Variants in PKIG observed in about 807,000 individuals in gnomAD.
PKIG encodes cAMP-dependent protein kinase inhibitor gamma, also known as protein kinase (cAMP-dependent, catalytic) inhibitor gamma.
PKIG carries 1 observed loss-of-function variant against 6.8 expected under a neutral mutation model. The ratio of observed to expected loss-of-function variants is 0.15; its 90% CI spans 0.05 to 0.69. The LOEUF is 0.69. Ranked by LOEUF, PKIG falls within the 30% of genes least tolerant of loss-of-function variation. The pLI, the probability that PKIG is intolerant of heterozygous loss-of-function variation, is 0.82. For missense variants in PKIG, 77 were observed against 104.0 expected (o/e 0.74, Z 1.13); for synonymous variants, 39 against 43.0 (o/e 0.91, Z 0.36).
chr20:44,614,834 C>T lies in PKIG; in HGVS notation c.151+127C>T, dbSNP rs1275030351. The T allele has an allele frequency of 1.2e-5, 11 of 947,610 alleles. No homozygotes were observed. In the Admixed American group the frequency reaches 2.9e-4, roughly 25 times the overall value. The allele number at this position is 947,610 out of a possible 1,614,324, so 58.7% of individuals were successfully genotyped here. On this transcript the variant is annotated intron_variant, in intron 3 of 3. Coordinates refer to ENST00000372886, the MANE Select transcript of PKIG (RefSeq NM_001281445.2). This position sits in a 1 kb window ranked among gnomAD's most constrained non-coding sequence, Gnocchi z 4.6. ...GAAACCACATTTAAGTCAGGCCTGC[C>T]CCATGGTCAGTGGCAGAGTCCAGCA...
At chr20:44,597,991 C>T (rs1230901128) in intron 2 of PKIG, among the ~76,000 whole-genome samples, 1 of 152,242 alleles carries the variant, frequency 6.6e-6, no homozygotes, top group Non-Finnish European at 1.5e-5. Flanking sequence ...CTCATGGTTT[C>T]TGTGGGTCAG....
chr20:44,578,692 A>G (rs1253476452), upstream of PKIG, among the ~76,000 whole-genome samples: 1 of 152,238 alleles, frequency 6.6e-6, no homozygotes, highest in Non-Finnish European at 1.5e-5. Context: ...TGTGAGCCAA[A>G]TAAACCTCTT....
intron 1 of PKIG, among the ~76,000 whole-genome samples, chr20:44,560,605 G>A (rs185559090): frequency 3.3e-5 from 5 of 152,284 alleles, no homozygotes; most frequent in South Asian, 4.2e-4. Flanking sequence ...CTTGTTGTCC[G>A]TCAAGGATGG....
intron 1 of PKIG, among the ~76,000 whole-genome samples, chr20:44,550,046 A>G (rs1354803444): frequency 6.6e-6 from 1 of 150,800 alleles, no homozygotes; most frequent in Non-Finnish European, 1.5e-5. Context: ...TTTATCTAGC[A>G]CCTGAGGTAT....
intron 1 of PKIG, among the ~76,000 whole-genome samples, chr20:44,538,490 G>A (rs2064532730): frequency 6.6e-6 from 1 of 152,106 alleles, no homozygotes; most frequent in Non-Finnish European, 1.5e-5. Flanking sequence ...GATAATAAAA[G>A]ACACCTAATA....
In PKIG at chr20:44,614,281, C is replaced by T. The variant is rs1414009652; in HGVS notation, c.-23-253C>T. ...CGCATGGTATTAATAAATGTGTGTA[C>T]ATGTTTGTCAATAATTTTATTTAAA... On this transcript the variant is annotated intron_variant, in intron 2 of 3. Transcript: ENST00000372886. This position sits in a 1 kb window ranked among gnomAD's most constrained non-coding sequence, Gnocchi z 4.6. 2 of 375,862 alleles carry T rather than the reference C, an allele frequency of 5.3e-6. No individual in the cohort carries two copies. Among genetic ancestry groups the T allele is most frequent in the Non-Finnish European group, 9.8e-6 (2 of 204,768 alleles). The allele number at this position is 375,862 out of a possible 1,614,324, so 23.3% of individuals were successfully genotyped here. A position where few individuals can be genotyped will look rare whatever the true frequency, so the allele number is the denominator to read the frequency against.
chr20:44,589,040 C>G (rs760525908), intron 1 of PKIG, among the ~76,000 whole-genome samples: 2 of 152,072 alleles, frequency 1.3e-5, no homozygotes, highest in Non-Finnish European at 2.9e-5. Context: ...GAGAAGTTTC[C>G]CAGGGGGAAC....
intron 1 of PKIG, among the ~76,000 whole-genome samples, chr20:44,588,367 C>T (rs527625170): frequency 6.6e-6 from 1 of 152,110 alleles, no homozygotes; most frequent in Non-Finnish European, 1.5e-5. Flanking sequence ...GAGGGCTGGG[C>T]GCGGTGGCTC....
intron 1 of PKIG, among the ~76,000 whole-genome samples, chr20:44,546,290 A>C (rs548547640): frequency 6.6e-6 from 1 of 152,208 alleles, no homozygotes; most frequent in Non-Finnish European, 1.5e-5. Context: ...AGAGGCTTTC[A>C]TCCCTTAGCC....
chr20:44,558,839 C>T (rs140212947), intron 1 of PKIG, among the ~76,000 whole-genome samples: 2 of 151,930 alleles, frequency 1.3e-5, no homozygotes, highest in African/African-American at 4.8e-5. Context: ...GCAGCCTCCA[C>T]CTCCACAGCT....
chr20:44,555,657 C>T (rs2064706490), intron 1 of PKIG, among the ~76,000 whole-genome samples: 1 of 152,136 alleles, frequency 6.6e-6, no homozygotes, highest in South Asian at 2.1e-4. Flanking sequence ...CATCTTAGTA[C>T]TCCCACTCAT....
intron 2 of PKIG, among the ~76,000 whole-genome samples, chr20:44,607,304 T>G (rs2123450922): frequency 6.6e-6 from 1 of 151,572 alleles, no homozygotes; most frequent in South Asian, 2.1e-4. Flanking sequence ...TGATCTACAG[T>G]TGTTTCCAAG....
intron 2 of PKIG, among the ~76,000 whole-genome samples, chr20:44,595,737 C>T (rs910537221): frequency 5.3e-5 from 8 of 152,132 alleles, no homozygotes; most frequent in Admixed American, 4.6e-4. Flanking sequence ...TGGTCTCGAA[C>T]TCCTGACCTC....
upstream of PKIG, among the ~76,000 whole-genome samples, chr20:44,581,092 G>A (rs2064944151): frequency 6.6e-6 from 1 of 152,206 alleles, no homozygotes; most frequent in Non-Finnish European, 1.5e-5. Context: ...TGTGGCATGT[G>A]TGCTGACCTA....
chr20:44,578,751 C>T (rs918059801), upstream of PKIG, among the ~76,000 whole-genome samples: 3 of 152,158 alleles, frequency 2.0e-5, no homozygotes, highest in African/African-American at 2.4e-5. Flanking sequence ...GCAGTGCAAA[C>T]GGACTAACAC....
At chr20:44,556,237 T>C (rs2064711991) in intron 1 of PKIG, among the ~76,000 whole-genome samples, 1 of 152,228 alleles carries the variant, frequency 6.6e-6, no homozygotes, top group African/African-American at 2.4e-5. Flanking sequence ...CTCATTTAGC[T>C]GAATCTCTGA....
intron 2 of PKIG, among the ~76,000 whole-genome samples, chr20:44,593,364 A>AACACACAC (rs55947972): frequency 2.3e-4 from 30 of 132,540 alleles, no homozygotes; most frequent in Admixed American, 7.6e-4. Flanking sequence ...TATAATAATC[A>AACACACAC]ACACACACAC....
chr20:44,596,783 C>T (rs952502613), intron 2 of PKIG, among the ~76,000 whole-genome samples: 4 of 152,124 alleles, frequency 2.6e-5, no homozygotes, highest in Non-Finnish European at 5.9e-5. Flanking sequence ...GTCTGAAGGG[C>T]TTCACTCACC....
intron 2 of PKIG, among the ~76,000 whole-genome samples, chr20:44,607,179 A>G (rs926867887): frequency 5.3e-5 from 8 of 152,080 alleles, no homozygotes; most frequent in African/African-American, 1.7e-4. Context: ...AATTAAATCA[A>G]TCTACAACAG....
Sources: allele counts gnomAD v4.1 joint callset (sites outside exome capture counted in the v4.1 genomes callset), GRCh38; gene constraint gnomAD v4.1.1; non-coding constraint Gnocchi (gnomAD v3.1); transcripts MANE v1.5; gene names NCBI Gene and HGNC (gene_info 2026-07-23, HGNC 2026-07-21).